Variants in SEPTIN1 observed in about 807,000 individuals in gnomAD.
SEPTIN1 encodes septin-1.
Under a neutral mutation model 50.7 loss-of-function variants are expected in SEPTIN1, and 52 were observed. The ratio of observed to expected loss-of-function variants is 1.03; its 90% CI spans 0.82 to 1.29. The LOEUF (loss-of-function observed/expected upper bound fraction) is 1.29. SEPTIN1 is among the 50% of genes most tolerant of loss of function. SEPTIN1 has a pLI of 0.00. For missense variants in SEPTIN1, 455 were observed against 490.7 expected, an observed-to-expected ratio of 0.93 and a Z score of 0.69; for synonymous variants, 204 against 189.1, an observed-to-expected ratio of 1.08 and a Z score of -0.65.
chr16:30,379,156 A>C lies in SEPTIN1; in HGVS notation c.803T>G (p.Leu268Arg). Residue 268 changes from leucine to arginine, a missense_variant, in exon 9 of 11, where the codon CTG (leucine) becomes CGG (arginine). Leu to Arg is a moderately radical substitution (Grantham distance 102). Coordinates refer to ENST00000321367, the MANE Select transcript of SEPTIN1 (RefSeq NM_001365977.2). ...EVENPHHCDF[L>R]NLRRMLVQTH... ...CTGCACCAGCATCCGTCGCAGGTTCAGGAAATCGCAGTGATGTGGGTTCTC... is the reference window on the plus strand; with the variant it reads ...CTGCACCAGCATCCGTCGCAGGTTCCGGAAATCGCAGTGATGTGGGTTCTC... 6.2e-7 allele frequency: 1 copy of C among 1,614,134 alleles called. No individual in the cohort carries two copies. The highest frequency in any genetic ancestry group is 2.2e-5 in the East Asian group (1 of 44,882).
intron 10 of SEPTIN1, 34 bp downstream of exon 10, chr16:30,378,576 G>GC: frequency 6.2e-7 from 1 of 1,609,188 alleles, no homozygotes; most frequent in Non-Finnish European, 8.5e-7. Flanking sequence ...GGGACCTGGG[G>GC]CATCGGTCGG....
In SEPTIN1 at chr16:30,378,385, A is replaced by G; in HGVS notation, c.*49T>C. On this transcript the variant is annotated 3_prime_UTR_variant, in exon 11 of 11. Transcript: ENST00000321367. ...CAGTGTGGGGCGCGGGGATTGGACA[A>G]GAGGCCGACTGAAGGCGGAGCCGAG... 1 of 1,496,566 alleles carries G rather than the reference A, an allele frequency of 6.7e-7. No homozygotes were observed. The highest frequency in any genetic ancestry group is 2.4e-5 in the Admixed American group (1 of 40,864). The allele number at this position is 1,496,566 out of a possible 1,614,324, so 92.7% of individuals were successfully genotyped here.
At position 30,379,942 on chromosome 16, in the gene SEPTIN1, G is replaced by T; in HGVS notation, c.665C>A (p.Ala222Glu). Residue 222 changes from alanine (A) to glutamate (E), a missense_variant, in exon 7 of 11, where the codon GCA becomes GAA. Ala to Glu is a moderately radical substitution (Grantham distance 107). Transcript: ENST00000321367. Reference sequence around the variant, plus strand: ...CTTTGTTTCCCACACCTTCATCTCTGCATCCTGCCTCTTGAAGTCTTCATC... The same window carrying T: ...CTTTGTTTCCCACACCTTCATCTCTTCATCCTGCCTCTTGAAGTCTTCATC... Reference protein sequence around the residue: ...DEDEDFKRQDAEMKESIPFAV... With the variant: ...DEDEDFKRQDEEMKESIPFAV... The T allele has an allele frequency of 2.0e-6, 3 of 1,538,322 alleles. No homozygotes were observed. Among genetic ancestry groups the T allele is most frequent in the Non-Finnish European group, 1.8e-6 (2 of 1,112,430 alleles).
upstream of SEPTIN1, chr16:30,382,657 G>C: frequency 6.5e-7 from 1 of 1,537,732 alleles, no homozygotes; most frequent in East Asian, 2.4e-5. The surrounding 1 kb of genome is among the most constrained non-coding windows in gnomAD (Gnocchi z 4.8). Flanking sequence ...CAGTCCCAGA[G>C]AGGTGGGGAA....
Position 30,379,504 on chromosome 16 carries a change from A to G in SEPTIN1, c.706T>C (p.Cys236Arg), listed in dbSNP as rs1313199117. 1 of 1,613,850 alleles carries G rather than the reference A, an allele frequency of 6.2e-7. No individual in the cohort carries two copies. Among genetic ancestry groups the G allele is most frequent in the Non-Finnish European group, 8.5e-7 (1 of 1,179,962 alleles). Residue 236 changes from cysteine (C) to arginine (R), a missense_variant, in exon 8 of 11, where the codon TGC (cysteine) becomes CGC (arginine). Transcript: ENST00000321367. The part of the protein sequence containing the change: ...ESIPFAVVGS[C>R]EVVRDGGNRP... Reference sequence around the variant, plus strand: ...TTCCCGCCATCCCTCACCACCTCGCATGATCCCACGACTGCAAAAGGGATG... The same window carrying G: ...TTCCCGCCATCCCTCACCACCTCGCGTGATCCCACGACTGCAAAAGGGATG...
chr16:30,379,854 G>A (rs1023471884), intron 7 of SEPTIN1, 78 bp downstream of exon 7: 12 of 794,936 alleles, frequency 1.5e-5, no homozygotes, highest in African/African-American at 5.1e-5. Flanking sequence ...GGATCCTCCC[G>A]TCTCAGCCTC....
chr16:30,381,534 T>C lies in SEPTIN1; in HGVS notation c.321-61A>G. 6.3e-7 allele frequency: 1 copy of C among 1,589,816 alleles called. No individual in the cohort carries two copies. Among genetic ancestry groups the C allele is most frequent in the Non-Finnish European group, 8.6e-7 (1 of 1,160,064 alleles). On this transcript the variant is annotated intron_variant, in intron 4 of 10. Transcript: ENST00000321367. This position sits in a 1 kb window ranked among gnomAD's most constrained non-coding sequence, Gnocchi z 4.3. ...AAGGCCAGAGGGCAGGGGGCAAGGC[T>C]AGCCAGGACTGTGGGAGTAGAATGT...
intron 9 of SEPTIN1, 115 bp downstream of exon 9, chr16:30,378,887 GGAGGGAGGGAGGGAGA>G (rs1175137804): frequency 5.5e-6 from 4 of 732,802 alleles, no homozygotes; most frequent in Non-Finnish European, 8.5e-6. Flanking sequence ...AGGGAGGGAG[GGAGGGAGGGAGGGAGA>G]GAGAAGTCTG....
chr16:30,381,142 C>G lies in SEPTIN1; in HGVS notation c.558G>C (p.Gln186His). The change falls in exon 6 of 11, where the codon CAG becomes CAC. Residue 186 changes from glutamine (Q) to histidine (H), a missense_variant. Transcript: ENST00000321367. The surrounding 1 kb of genome is among the most constrained non-coding windows in gnomAD (Gnocchi z 4.3). ...TCACTCACACCTTCTGCTTGAGGGC[C>G]TGGGTTTCCTGGGGCATCAGAGCAT... Reference protein sequence around the residue: ...KADALMPQETQALKQKIRDQL... With the variant: ...KADALMPQETHALKQKIRDQL... The G allele has an allele frequency of 1.2e-6, 2 of 1,613,884 alleles. No homozygotes were observed. Among genetic ancestry groups the G allele is most frequent in the Non-Finnish European group, 1.7e-6 (2 of 1,179,788 alleles).
chr16:30,379,478 G>C lies in SEPTIN1; in HGVS notation c.732C>G (p.Asn244Lys). The part of the protein sequence containing the change: ...GSCEVVRDGG[N>K]RPVRGRRYSW... ...AGTAGCGGCGTCCCCTCACCGGCCG[G>C]TTCCCGCCATCCCTCACCACCTCGC... Residue 244 changes from asparagine (N) to lysine (K), a missense_variant, in exon 8 of 11, where the codon AAC becomes AAG. Transcript: ENST00000321367. 1 of 1,613,834 alleles carries C rather than the reference G, an allele frequency of 6.2e-7. No homozygotes were observed. The highest frequency in any genetic ancestry group is 8.5e-7 in the Non-Finnish European group (1 of 1,179,976).
At position 30,381,551 on chromosome 16, in the gene SEPTIN1, G is replaced by T; in HGVS notation, c.321-78C>A. ...GGCAAGGCTAGCCAGGACTGTGGGA[G>T]TAGAATGTCATTTCTTTGGCTCCCT... is the stretch of plus-strand genomic sequence containing the variant. On this transcript the variant is annotated intron_variant, in intron 4 of 10. Coordinates refer to ENST00000321367, the MANE Select transcript of SEPTIN1 (RefSeq NM_001365977.2). The surrounding 1 kb of genome is among the most constrained non-coding windows in gnomAD (Gnocchi z 4.3). The T allele has an allele frequency of 6.4e-7, 1 of 1,562,012 alleles. No individual in the cohort carries two copies. The highest frequency in any genetic ancestry group is 8.8e-7 in the Non-Finnish European group (1 of 1,138,680).
rs1177116807 is a variant in SEPTIN1, at chr16:30,378,225, G to A, written c.*209C>T. 1 of 673,132 alleles carries A rather than the reference G, an allele frequency of 1.5e-6. No individual in the cohort carries two copies. The highest frequency in any genetic ancestry group is 1.6e-5 in the South Asian group (1 of 60,618). 41.7% of individuals were successfully genotyped at this position (673,132 alleles called of 1,614,324 possible). A position where few individuals can be genotyped will look rare whatever the true frequency, so the allele number is the denominator to read the frequency against. On this transcript the variant is annotated 3_prime_UTR_variant, in exon 11 of 11. Coordinates refer to ENST00000321367, the MANE Select transcript of SEPTIN1 (RefSeq NM_001365977.2). ...CAGTGATGCGGTCGGAGATTGTGCAGGCCCCGGGCCGGGAAGTGGGCGGTG... is the reference window on the plus strand; with the variant it reads ...CAGTGATGCGGTCGGAGATTGTGCAAGCCCCGGGCCGGGAAGTGGGCGGTG...
Position 30,381,606 on chromosome 16 carries a change from C to A in SEPTIN1, c.321-133G>T, listed in dbSNP as rs1300488820. On this transcript the variant is annotated intron_variant, in intron 4 of 10. Transcript: ENST00000321367. This position sits in a 1 kb window ranked among gnomAD's most constrained non-coding sequence, Gnocchi z 4.3. ...AGACATTAAGGGGAACTGGTGGGGG[C>A]CTAGGTGAGTCATCAAGAAGCACAG... 7.6e-6 allele frequency: 11 copies of A among 1,451,454 alleles called. No homozygotes were observed. The Admixed American group carries it at 2.1e-4, about 28-fold the overall frequency. 89.9% of individuals were successfully genotyped at this position (1,451,454 alleles called of 1,614,324 possible). A position where few individuals can be genotyped will look rare whatever the true frequency, so the allele number is the denominator to read the frequency against.
chr16:30,378,343 T>C lies in SEPTIN1; in HGVS notation c.*91A>G. 2 of 1,261,624 alleles carry C rather than the reference T, an allele frequency of 1.6e-6. No homozygotes were observed. The highest frequency in any genetic ancestry group is 1.1e-6 in the Non-Finnish European group (1 of 931,734). 78.2% of individuals were successfully genotyped at this position (1,261,624 alleles called of 1,614,324 possible). A position where few individuals can be genotyped will look rare whatever the true frequency, so the allele number is the denominator to read the frequency against. ...CGCGCGAGGGCGGCACCCGCGGAGG[T>C]CCCGGGGGGCGCTGGGCAGTGTGGG... On this transcript the variant is annotated 3_prime_UTR_variant, in exon 11 of 11. Transcript: ENST00000321367.
Position 30,381,974 on chromosome 16 carries a change from C to A in SEPTIN1, c.197-91G>T. The stretch of plus-strand genomic sequence containing the variant: ...ATATCACAGTTGCCTGCACCCATTT[C>A]CCAGGGGAGGAAAGTCTCAGAAAAA... On this transcript the variant is annotated intron_variant, in intron 3 of 10. Coordinates refer to ENST00000321367, the MANE Select transcript of SEPTIN1 (RefSeq NM_001365977.2). The surrounding 1 kb of genome is among the most constrained non-coding windows in gnomAD (Gnocchi z 4.3). The A allele has an allele frequency of 1.2e-6, 2 of 1,603,968 alleles. No individual in the cohort carries two copies. The highest frequency in any genetic ancestry group is 1.7e-6 in the Non-Finnish European group (2 of 1,173,584).
At chr16:30,380,557 C>T (rs962312032) in intron 6 of SEPTIN1, 2 of 159,946 alleles carry the variant, frequency 1.3e-5, no homozygotes, top group Non-Finnish European at 2.8e-5. Flanking sequence ...TGACCTCAGC[C>T]TCCCAAAGTG....
rs945305815 is a variant in SEPTIN1 at position 30,378,498 on chromosome 16, A to G, written c.1055T>C (p.Leu352Pro). ...CTGCATTTGGGCCTGCATCTTCTCC[A>G]GCATCTCTTGCATGCGGCGCAGCTG... ...DEELRRMQEM[L>P]EKMQAQMQQS... is the part of the protein sequence containing the mutation. The change falls in exon 11 of 11, where the codon CTG becomes CCG. Residue 352 changes from leucine to proline, a missense_variant. By Grantham distance (98) the Leu-to-Pro change is moderately conservative. Coordinates refer to ENST00000321367, the MANE Select transcript of SEPTIN1 (RefSeq NM_001365977.2). 6.3e-7 allele frequency: 1 copy of G among 1,579,500 alleles called. No homozygotes were observed. Among genetic ancestry groups the G allele is most frequent in the Non-Finnish European group, 8.6e-7 (1 of 1,162,928 alleles).
rs925897355 is a variant in SEPTIN1, at chr16:30,382,059, G to A, written c.196+34C>T. The A allele has an allele frequency of 6.3e-7, 1 of 1,581,324 alleles. No homozygotes were observed. The highest frequency in any genetic ancestry group is 8.6e-7 in the Non-Finnish European group (1 of 1,162,028). On this transcript the variant is annotated intron_variant, in intron 3 of 10. Transcript: ENST00000321367. The surrounding 1 kb of genome is among the most constrained non-coding windows in gnomAD (Gnocchi z 4.8). ...GACTAGGGTGTAACCTGGGGACAGGGGCTACTGCCTCAAGAGGGTGGGGAG... is the reference window on the plus strand; with the variant it reads ...GACTAGGGTGTAACCTGGGGACAGGAGCTACTGCCTCAAGAGGGTGGGGAG...
chr16:30,380,768 TAAAA>T lies in SEPTIN1; in HGVS notation c.573+355_573+358del, dbSNP rs11325889. ...CTGGGCCACAGAGTGAGACTCTATC[TAAAA>T]AAAAAAAGAGAGAGAAAGAGAGGCC... On this transcript the variant is annotated intron_variant, in intron 6 of 10. Transcript: ENST00000321367. The T allele has an allele frequency of 1.6e-4, 43 of 267,874 alleles. No individual in the cohort carries two copies. The East Asian group carries it at 2.5e-3, about 16-fold the overall frequency. The allele number at this position is 267,874 out of a possible 1,614,324, so 16.6% of individuals were successfully genotyped here.
Sources: allele counts gnomAD v4.1 joint callset, GRCh38; gene constraint gnomAD v4.1.1; non-coding constraint Gnocchi (gnomAD v3.1); transcripts MANE v1.5; gene names NCBI Gene and HGNC (gene_info 2026-07-23, HGNC 2026-07-21).